The following PTN variants were observed in gnomAD, a reference collection of about 807,000 sequenced individuals.
PTN encodes heparin affin regulatory protein.
PTN carries 18 observed loss-of-function variants against 24.1 expected under a neutral mutation model. The observed-to-expected ratio is 0.75, with a 90% CI of 0.52 to 1.11. The LOEUF is 1.11. PTN is among the 50% of genes least tolerant of loss of function. The probability of loss-of-function intolerance (pLI) is 0.00; values close to 1 mark genes in which losing one functional copy is unlikely to be tolerated. For synonymous variants in PTN, 78 were observed against 68.6 expected (o/e 1.14, Z -0.67); for missense variants, 163 against 198.8 (o/e 0.82, Z 1.08).
chr7:137,294,345 C>A (rs969041455), intron 1 of PTN, among the ~76,000 whole-genome samples: 1 of 152,090 alleles, frequency 6.6e-6, no homozygotes. Context: ...GAACACAAGC[C>A]CACACAGGAG....
rs1383526501 is a variant in PTN at position 137,227,968 on chromosome 7, T to C, written c.*52A>G. 6.3e-6 allele frequency: 10 copies of C among 1,595,814 alleles called. No individual in the cohort carries two copies. The highest frequency in any genetic ancestry group is 8.5e-6 in the Non-Finnish European group (10 of 1,173,004). On this transcript the variant is annotated 3_prime_UTR_variant, in exon 5 of 5. Coordinates refer to ENST00000348225, the MANE Select transcript of PTN (RefSeq NM_002825.7). ...CCTACGGTACATATAAATGCAATAG[T>C]TAACTGATCCTGTTTGCTGATGTCC... is the stretch of plus-strand genomic sequence containing the variant.
chr7:137,264,073 C>T (rs891118531), intron 1 of PTN, among the ~76,000 whole-genome samples: 6 of 152,088 alleles, frequency 3.9e-5, no homozygotes, highest in African/African-American at 1.4e-4. Flanking sequence ...ACTTTTAGAA[C>T]CTAGAAATGA....
At chr7:137,331,465 C>T (rs1810357333) in intron 1 of PTN, among the ~76,000 whole-genome samples, 1 of 152,212 alleles carries the variant, frequency 6.6e-6, no homozygotes, top group South Asian at 2.1e-4. Flanking sequence ...ACGCATTTGA[C>T]TTTCACTCCT....
chr7:137,299,282 A>G (rs1045337802), intron 1 of PTN, among the ~76,000 whole-genome samples: 8 of 151,976 alleles, frequency 5.3e-5, no homozygotes, highest in African/African-American at 1.9e-4. Context: ...GTTGTTGTCA[A>G]TGGTGGTGGT....
At chr7:137,335,949 A>G (rs890904876) in intron 1 of PTN, among the ~76,000 whole-genome samples, 6 of 137,946 alleles carry the variant, frequency 4.3e-5, no homozygotes, top group African/African-American at 1.8e-4. Context: ...TTTTTTTAGT[A>G]TGACTCATTT....
chr7:137,268,181 C>T (rs981358392), intron 1 of PTN, among the ~76,000 whole-genome samples: 1 of 152,028 alleles, frequency 6.6e-6, no homozygotes, highest in Non-Finnish European at 1.5e-5. Flanking sequence ...ACGGCTCTGG[C>T]GAGGCATCCC....
chr7:137,335,752 G>C (rs1810437199), intron 1 of PTN, among the ~76,000 whole-genome samples: 1 of 152,152 alleles, frequency 6.6e-6, no homozygotes, highest in African/African-American at 2.4e-5. Context: ...CAGTTATCCA[G>C]CTATCATGTA....
Position 137,335,662 on chromosome 7 carries a change from C to G in PTN, c.-2+7777G>C, listed in dbSNP as rs78469211. ...CCTGGGAGCTTGGCAGAAAAGCAGACTCTGAGATTTCATTGGAGACCTACT... is the reference window on the plus strand; with the variant it reads ...CCTGGGAGCTTGGCAGAAAAGCAGAGTCTGAGATTTCATTGGAGACCTACT... On this transcript the variant is annotated intron_variant, in intron 1 of 4. Coordinates refer to ENST00000348225, the MANE Select transcript of PTN (RefSeq NM_002825.7). Among the ~76,000 whole-genome samples the G allele has an allele frequency of 8.8e-3, 1,347 of 152,282 alleles. 14 individuals are homozygous for G. The highest frequency in any genetic ancestry group is 0.031 in the South Asian group (152 of 4,828).
intron 1 of PTN, among the ~76,000 whole-genome samples, chr7:137,319,042 G>C (rs1810120148): frequency 6.6e-6 from 1 of 151,830 alleles, no homozygotes; most frequent in Non-Finnish European, 1.5e-5. Context: ...CTCTACTTTT[G>C]TCCACCACTC....
intron 1 of PTN, among the ~76,000 whole-genome samples, chr7:137,338,908 T>A (rs1324184578): frequency 6.6e-6 from 1 of 152,140 alleles, no homozygotes; most frequent in Non-Finnish European, 1.5e-5. Flanking sequence ...CTGAGAATTT[T>A]CCTTGTGAAG....
intron 4 of PTN, among the ~76,000 whole-genome samples, chr7:137,230,615 T>C (rs11561959): frequency 0.11 from 16,635 of 151,854 alleles, 1,201 homozygotes; most frequent in East Asian, 0.26. Flanking sequence ...TAATATTGCT[T>C]CCAATCGAAA....
At chr7:137,297,395 GAGGT>G (rs1182782742) in intron 1 of PTN, among the ~76,000 whole-genome samples, 4 of 152,120 alleles carry the variant, frequency 2.6e-5, no homozygotes, top group Non-Finnish European at 5.9e-5. Flanking sequence ...GTCCCAGCAA[GAGGT>G]AGATGGCATA....
intron 1 of PTN, among the ~76,000 whole-genome samples, chr7:137,317,553 T>TA (rs1240665166): frequency 1.3e-5 from 2 of 152,164 alleles, no homozygotes; most frequent in African/African-American, 4.8e-5. Context: ...CTTTGGAACT[T>TA]TACTGAGTTC....
chr7:137,230,709 T>C (rs1808412463), intron 4 of PTN, among the ~76,000 whole-genome samples: 1 of 151,940 alleles, frequency 6.6e-6, no homozygotes, highest in South Asian at 2.1e-4. Flanking sequence ...CTCAAAAACT[T>C]ATTAACAACC....
chr7:137,342,288 C>T (rs1029963312), intron 1 of PTN, among the ~76,000 whole-genome samples: 4 of 152,124 alleles, frequency 2.6e-5, no homozygotes, highest in Non-Finnish European at 5.9e-5. Context: ...CTCTCTAGCA[C>T]ACACACACGC....
chr7:137,241,071 A>G (rs936779021), intron 4 of PTN, among the ~76,000 whole-genome samples: 2 of 152,194 alleles, frequency 1.3e-5, no homozygotes, highest in African/African-American at 4.8e-5. Context: ...TACATTTTAC[A>G]TGGCAGCAGG....
chr7:137,303,448 A>G (rs1237596925), intron 1 of PTN, among the ~76,000 whole-genome samples: 2 of 151,902 alleles, frequency 1.3e-5, no homozygotes, highest in Non-Finnish European at 2.9e-5. Context: ...ATGACTCTCA[A>G]TTTGCATTAA....
intron 4 of PTN, among the ~76,000 whole-genome samples, chr7:137,241,819 C>T (rs138830787): frequency 6.6e-6 from 1 of 152,266 alleles, no homozygotes; most frequent in African/African-American, 2.4e-5. Context: ...GAACAGAATT[C>T]CCACAGGGTA....
At chr7:137,261,024 A>G (rs1288076118) in intron 1 of PTN, among the ~76,000 whole-genome samples, 1 of 152,044 alleles carries the variant, frequency 6.6e-6, no homozygotes, top group Non-Finnish European at 1.5e-5. Context: ...TTATTTATCT[A>G]GTTTTCAAGA....
Sources: allele counts gnomAD v4.1 joint callset (sites outside exome capture counted in the v4.1 genomes callset), GRCh38; gene constraint gnomAD v4.1.1; transcripts MANE v1.5; gene names NCBI Gene and HGNC (gene_info 2026-07-23, HGNC 2026-07-21).